Variants in PHACTR3 observed in about 807,000 individuals in gnomAD.
PHACTR3 encodes phosphatase and actin regulator 3.
Under a neutral mutation model 66.8 loss-of-function variants are expected in PHACTR3, and 16 were observed. The observed-to-expected ratio is 0.24, with a 90% CI of 0.16 to 0.36. PHACTR3 has a LOEUF of 0.36. Ranked by LOEUF, PHACTR3 falls within the 10% of genes least tolerant of loss-of-function variation. The pLI is 1.00. For missense variants in PHACTR3, 647 were observed against 719.9 expected (o/e 0.90, Z 1.16); for synonymous variants, 323 against 292.1 (o/e 1.11, Z -1.08).
intron 1 of PHACTR3, among the ~76,000 whole-genome samples, chr20:59,714,985 A>C (rs931616699): frequency 6.6e-6 from 1 of 152,204 alleles, no homozygotes; most frequent in Non-Finnish European, 1.5e-5. Flanking sequence ...TGGTTCTGGC[A>C]TATAGAAATA....
chr20:59,661,916 C>T (rs148083694), intron 1 of PHACTR3, among the ~76,000 whole-genome samples: 1,909 of 152,176 alleles, frequency 0.013, 29 homozygotes, highest in Middle Eastern at 0.017. Flanking sequence ...CTGCTTGCTG[C>T]GGCTCCTAAT....
intron 8 of PHACTR3, among the ~76,000 whole-genome samples, chr20:59,827,898 G>A (rs552506385): frequency 5.6e-4 from 85 of 152,138 alleles, no homozygotes; most frequent in Non-Finnish European, 1.1e-3. Context: ...TCAGGACACA[G>A]GAGGCAGGCC....
rs1171165766 is a variant in PHACTR3 at position 59,686,980 on chromosome 20, GTGA to G, written c.119-56122_119-56120del. On this transcript the variant is annotated intron_variant, in intron 1 of 12. Transcript: ENST00000371015. The stretch of plus-strand genomic sequence containing the variant: ...GATGATGATGGTGATTGTGATGATG[GTGA>G]TGATTGTGATGATGGTGGTGATTGT... Among the ~76,000 whole-genome samples the G allele has an allele frequency of 7.9e-4, 117 of 148,102 alleles. No homozygotes were observed. In the Middle Eastern group the frequency reaches 0.015, roughly 18 times the overall value.
intron 1 of PHACTR3, among the ~76,000 whole-genome samples, chr20:59,740,739 G>C (rs1294020071): frequency 6.6e-6 from 1 of 152,236 alleles, no homozygotes; most frequent in Non-Finnish European, 1.5e-5. Context: ...CCCTGGGTTA[G>C]AGACAGGTGC....
chr20:59,660,666 A>G (rs1161974795), intron 1 of PHACTR3, among the ~76,000 whole-genome samples: 1 of 152,230 alleles, frequency 6.6e-6, no homozygotes, highest in Non-Finnish European at 1.5e-5. Flanking sequence ...TCAGCTGGCA[A>G]ATGCCTTAAA....
intron 3 of PHACTR3, among the ~76,000 whole-genome samples, chr20:59,753,733 A>G (rs2039681467): frequency 6.6e-6 from 1 of 152,326 alleles, no homozygotes; most frequent in African/African-American, 2.4e-5. Flanking sequence ...ATCCAGAGGA[A>G]TTTGCTATTT....
intron 1 of PHACTR3, among the ~76,000 whole-genome samples, chr20:59,656,066 A>G (rs1454501206): frequency 6.6e-6 from 1 of 151,860 alleles, no homozygotes; most frequent in Non-Finnish European, 1.5e-5. Flanking sequence ...GGCCCAGCCT[A>G]TGATCTGTCC....
chr20:59,787,398 AG>A (rs1026901873), intron 7 of PHACTR3, among the ~76,000 whole-genome samples: 6 of 152,230 alleles, frequency 3.9e-5, no homozygotes, highest in Non-Finnish European at 7.3e-5. Context: ...CAGAAGCTCC[AG>A]GGTGGAAGGA....
chr20:59,611,778 A>G (rs1324167445), intron 1 of PHACTR3, among the ~76,000 whole-genome samples: 1 of 152,188 alleles, frequency 6.6e-6, no homozygotes, highest in Non-Finnish European at 1.5e-5. Context: ...CAGCTTGTGA[A>G]TGGAAATCTC....
At chr20:59,739,665 T>G (rs897308537) in intron 1 of PHACTR3, among the ~76,000 whole-genome samples, 1 of 152,164 alleles carries the variant, frequency 6.6e-6, no homozygotes, top group African/African-American at 2.4e-5. Context: ...ACCTGGTCTT[T>G]CTCTTGACAC....
intron 8 of PHACTR3, among the ~76,000 whole-genome samples, chr20:59,808,117 A>G (rs2041624230): frequency 6.6e-6 from 1 of 152,206 alleles, no homozygotes; most frequent in South Asian, 2.1e-4. Flanking sequence ...TTTGGAAGGC[A>G]AGGCTACCAT....
chr20:59,827,308 C>A (rs1446552607), intron 8 of PHACTR3, among the ~76,000 whole-genome samples: 1 of 152,114 alleles, frequency 6.6e-6, no homozygotes, highest in African/African-American at 2.4e-5. Context: ...GGAGGCGAGA[C>A]CCCTCCCCAC....
At chr20:59,757,876 G>A (rs1007197905) in intron 4 of PHACTR3, among the ~76,000 whole-genome samples, 3 of 152,162 alleles carry the variant, frequency 2.0e-5, no homozygotes, top group African/African-American at 7.2e-5. Flanking sequence ...AAGCTGAGGC[G>A]GGAGGATAGC....
intron 1 of PHACTR3, among the ~76,000 whole-genome samples, chr20:59,592,367 C>T (rs985195865): frequency 1.3e-5 from 2 of 152,154 alleles, no homozygotes; most frequent in Admixed American, 1.3e-4. Context: ...GACCCCCGTC[C>T]CAACATACAT....
chr20:59,581,907 G>C (rs2146299515), intron 1 of PHACTR3, among the ~76,000 whole-genome samples: 1 of 151,202 alleles, frequency 6.6e-6, no homozygotes, highest in African/African-American at 2.4e-5. Context: ...GTCCTAGCCT[G>C]TAGTTGGGAC....
At chr20:59,803,472 C>G (rs1235183470) in intron 7 of PHACTR3, among the ~76,000 whole-genome samples, 1 of 151,828 alleles carries the variant, frequency 6.6e-6, no homozygotes, top group East Asian at 1.9e-4. Context: ...ATACAGTAAC[C>G]AAAATTAAGT....
intron 1 of PHACTR3, among the ~76,000 whole-genome samples, chr20:59,666,766 G>T (rs2036005802): frequency 6.6e-6 from 1 of 152,170 alleles, no homozygotes; most frequent in Non-Finnish European, 1.5e-5. Context: ...AGGGGCGGGA[G>T]CCCACTCCCG....
chr20:59,772,409 C>T (rs924319565), intron 5 of PHACTR3, among the ~76,000 whole-genome samples: 5 of 152,212 alleles, frequency 3.3e-5, no homozygotes, highest in African/African-American at 9.7e-5. Context: ...GAGCAAGAAA[C>T]AGACTGGGCA....
intron 1 of PHACTR3, among the ~76,000 whole-genome samples, chr20:59,719,108 C>T (rs1200655310): frequency 7.9e-5 from 12 of 152,320 alleles, no homozygotes; most frequent in Admixed American, 5.2e-4. Context: ...GCACCTCCCC[C>T]GGGGCTGTCG....
Sources: gnomAD v4.1 joint callset for allele counts (sites outside exome capture counted in the v4.1 genomes callset) on GRCh38, gnomAD v4.1.1 for gene constraint, MANE v1.5 for transcripts, NCBI Gene and HGNC (gene_info 2026-07-23, HGNC 2026-07-21) for gene names.